The following CWF19L2 variants were observed in gnomAD, a reference collection of about 807,000 sequenced individuals.
CWF19L2 encodes CWF19 like cell cycle control factor 2.
CWF19L2 carries 98 observed loss-of-function variants against 111.7 expected under a neutral mutation model. That is an observed-to-expected ratio of 0.88 (90% CI 0.75 to 1.04). The LOEUF (loss-of-function observed/expected upper bound fraction) is 1.04. Ranked by LOEUF, CWF19L2 falls within the 50% of genes least tolerant of loss-of-function variation. The pLI is 0.00. For missense variants in CWF19L2, 1,101 were observed against 1,051.4 expected (o/e 1.05, Z -0.65); for synonymous variants, 351 against 342.9 (o/e 1.02, Z -0.26).
intron 10 of CWF19L2, among the ~76,000 whole-genome samples, chr11:107,402,868 GGT>G (rs1290211766): frequency 0.099 from 4,204 of 42,668 alleles, 594 homozygotes; most frequent in East Asian, 0.21. Flanking sequence ...AACAAACTGT[GGT>G]GTGTATATAT....
chr11:107,390,054 A>G lies in CWF19L2; in HGVS notation c.1872+20T>C. 1 of 1,600,772 alleles carries G rather than the reference A, an allele frequency of 6.2e-7. No individual in the cohort carries two copies. The highest frequency in any genetic ancestry group is 8.5e-7 in the Non-Finnish European group (1 of 1,170,568). On this transcript the variant is annotated intron_variant, in intron 12 of 17. Transcript: ENST00000282251. ...AATCAGCTTCTCAAAATTCAGAGGT[A>G]TCCTAGGAATATATCTTACCTTAGA... is the stretch of plus-strand genomic sequence containing the variant.
chr11:107,393,172 A>G (rs955503110), intron 10 of CWF19L2, among the ~76,000 whole-genome samples: 1 of 152,166 alleles, frequency 6.6e-6, no homozygotes, highest in Non-Finnish European at 1.5e-5. Context: ...ATATTAAAAG[A>G]TGACGAAGTA....
chr11:107,375,318 AT>A (rs1425787253), intron 12 of CWF19L2, among the ~76,000 whole-genome samples: 1 of 135,440 alleles, frequency 7.4e-6, no homozygotes, highest in Non-Finnish European at 1.6e-5. Flanking sequence ...CAGAATATAC[AT>A]TTTTTTCAGC....
chr11:107,425,168 ACT>A (rs956504352), intron 8 of CWF19L2, among the ~76,000 whole-genome samples: 4 of 141,120 alleles, frequency 2.8e-5, no homozygotes, highest in Middle Eastern at 7.1e-3. Flanking sequence ...ATTAAAATGT[ACT>A]CTCTTTGAAA....
intron 10 of CWF19L2, among the ~76,000 whole-genome samples, chr11:107,401,416 A>T (rs1478177369): frequency 2.6e-5 from 4 of 152,216 alleles, no homozygotes; most frequent in Admixed American, 1.3e-4. Context: ...TCTTCTACAC[A>T]CCAACAGCGA....
intron 16 of CWF19L2, among the ~76,000 whole-genome samples, chr11:107,331,412 A>G (rs1470195985): frequency 2.0e-5 from 3 of 152,344 alleles, no homozygotes; most frequent in Admixed American, 6.5e-5. Flanking sequence ...GATAGGCCCA[A>G]TGTAATCATA....
intron 12 of CWF19L2, among the ~76,000 whole-genome samples, chr11:107,383,197 G>C (rs989873569): frequency 2.0e-5 from 3 of 152,224 alleles, no homozygotes; most frequent in Non-Finnish European, 4.4e-5. Context: ...CCAACTTGAA[G>C]CTGGGTGGTC....
intron 3 of CWF19L2, among the ~76,000 whole-genome samples, chr11:107,453,075 GA>G (rs1242569603): frequency 1.3e-5 from 2 of 151,976 alleles, no homozygotes; most frequent in Non-Finnish European, 2.9e-5. Context: ...GAAGCACTAA[GA>G]AAAAATGATG....
chr11:107,404,120 G>C, intron 10 of CWF19L2: 1 of 775,044 alleles, frequency 1.3e-6, no homozygotes, highest in South Asian at 1.3e-5. Context: ...GACTGTCTCT[G>C]TCGACTTTCT....
intron 6 of CWF19L2, among the ~76,000 whole-genome samples, chr11:107,437,838 A>G (rs1298768864): frequency 1.3e-5 from 2 of 152,194 alleles, no homozygotes; most frequent in African/African-American, 4.8e-5. Context: ...ATCCTCTGAC[A>G]TTAGGGATGG....
intron 10 of CWF19L2, among the ~76,000 whole-genome samples, chr11:107,402,873 GTATATATATATA>G (rs145828149): frequency 0.41 from 39,062 of 96,320 alleles, 8,742 homozygotes; most frequent in Middle Eastern, 0.42. Context: ...ACTGTGGTGT[GTATATATATATA>G]TATATATATA....
At chr11:107,428,704 C>G in intron 8 of CWF19L2, 95 bp downstream of exon 8, 1 of 962,216 alleles carries the variant, frequency 1.0e-6, no homozygotes, top group Non-Finnish European at 1.6e-6. Flanking sequence ...AATGTGAGAT[C>G]ATAGTCACAG....
chr11:107,346,873 A>C (rs1260004950), intron 14 of CWF19L2, among the ~76,000 whole-genome samples: 1 of 152,026 alleles, frequency 6.6e-6, no homozygotes, highest in African/African-American at 2.4e-5. Flanking sequence ...AGGTTGAAAG[A>C]GTCTTTTTGA....
rs554466155 is a variant in CWF19L2 at position 107,346,955 on chromosome 11, A to G, written c.2202+1982T>C. ...CTATTTCCTAATGAAATGGCCCCAC[A>G]TATCACTCCACATTGAAGTTCACTG... On this transcript the variant is annotated intron_variant, in intron 14 of 17. Coordinates refer to ENST00000282251, the MANE Select transcript of CWF19L2 (RefSeq NM_152434.3). Among the ~76,000 whole-genome samples the G allele has an allele frequency of 2.0e-5, 3 of 152,264 alleles. No homozygotes were observed. The South Asian group carries it at 6.2e-4, about 32-fold the overall frequency.
chr11:107,411,540 T>C (rs1861157510), intron 10 of CWF19L2, among the ~76,000 whole-genome samples: 2 of 152,178 alleles, frequency 1.3e-5, no homozygotes, highest in African/African-American at 2.4e-5. Flanking sequence ...TAAAATTTTA[T>C]AATTTAATTA....
At chr11:107,360,412 T>C (rs1378226957) in intron 12 of CWF19L2, among the ~76,000 whole-genome samples, 1 of 152,246 alleles carries the variant, frequency 6.6e-6, no homozygotes, top group Non-Finnish European at 1.5e-5. Flanking sequence ...GATTACATTA[T>C]CTTTAATCTT....
chr11:107,429,388 A>G lies in CWF19L2; in HGVS notation c.844T>C (p.Tyr282His). 1.3e-6 allele frequency: 2 copies of G among 1,586,132 alleles called. No individual in the cohort carries two copies. The highest frequency in any genetic ancestry group is 8.6e-7 in the Non-Finnish European group (1 of 1,164,832). Residue 282 changes from tyrosine to histidine, a missense_variant, in exon 8 of 18, where the codon TAT (tyrosine) becomes CAT (histidine). Coordinates refer to ENST00000282251, the MANE Select transcript of CWF19L2 (RefSeq NM_152434.3). ...AEKAASTKED[Y>H]RRERWRKPTY... ...GGTTTCCTCCACCGTTCCCGTCTAT[A>G]ATCTTCTTTCGTGGATGCAGCTTTT...
intron 10 of CWF19L2, among the ~76,000 whole-genome samples, chr11:107,406,141 C>T (rs556753098): frequency 4.1e-4 from 62 of 152,292 alleles, no homozygotes; most frequent in Admixed American, 1.2e-3. Context: ...GCACACACTG[C>T]TTTGATTCAA....
intron 13 of CWF19L2, among the ~76,000 whole-genome samples, chr11:107,351,870 T>C (rs939424756): frequency 3.9e-5 from 6 of 152,196 alleles, no homozygotes; most frequent in Admixed American, 3.9e-4. Context: ...AAGAAGCCTA[T>C]GCTAGCCTAC....
Sources: allele counts gnomAD v4.1 joint callset (sites outside exome capture counted in the v4.1 genomes callset), GRCh38; gene constraint gnomAD v4.1.1; transcripts MANE v1.5; gene names NCBI Gene and HGNC (gene_info 2026-07-23, HGNC 2026-07-21).